Variants in UBE2V1 observed in about 807,000 individuals in gnomAD.
The protein encoded by UBE2V1 is ubiquitin-conjugating enzyme E2 variant 1.
UBE2V1 carries 15 observed loss-of-function variants against 19.6 expected under a neutral mutation model. The ratio of observed to expected loss-of-function variants is 0.77; its 90% CI spans 0.51 to 1.18. UBE2V1 has a LOEUF of 1.18. Ranked by LOEUF, UBE2V1 falls within the 50% of genes most tolerant of loss-of-function variation. The probability of loss-of-function intolerance (pLI) is 0.00; values close to 1 mark genes in which losing one functional copy is unlikely to be tolerated. For missense variants in UBE2V1, 125 were observed against 184.8 expected, an observed-to-expected ratio of 0.68 and a Z score of 1.88; for synonymous variants, 60 against 60.7, an observed-to-expected ratio of 0.99 and a Z score of 0.05.
At chr20:50,084,285 A>G in intron 2 of UBE2V1, 31 bp from the exon 3 acceptor site, 2 of 1,609,944 alleles carry the variant, frequency 1.2e-6, no homozygotes, top group Non-Finnish European at 1.7e-6. Flanking sequence ...GATGTCACGC[A>G]ATTACAAACA....
At chr20:50,112,800 A>G (rs939068421) in intron 1 of UBE2V1, among the ~76,000 whole-genome samples, 4 of 152,128 alleles carry the variant, frequency 2.6e-5, no homozygotes, top group African/African-American at 9.6e-5. Flanking sequence ...CGGTATCCTC[A>G]GGAGTGCCTC....
chr20:50,099,902 G>A (rs1460147018), intron 1 of UBE2V1, among the ~76,000 whole-genome samples: 2 of 152,178 alleles, frequency 1.3e-5, no homozygotes, highest in African/African-American at 4.8e-5. Flanking sequence ...TTCGAGATCA[G>A]CCTGGGCAAC....
chr20:50,089,887 T>C (rs1294253441), intron 2 of UBE2V1, among the ~76,000 whole-genome samples: 1 of 152,082 alleles, frequency 6.6e-6, no homozygotes, highest in Non-Finnish European at 1.5e-5. Context: ...TTGCTTGCTG[T>C]TCCTTTAGGT....
chr20:50,093,525 A>G (rs550407771), intron 2 of UBE2V1, among the ~76,000 whole-genome samples: 5 of 152,246 alleles, frequency 3.3e-5, no homozygotes, highest in Non-Finnish European at 5.9e-5. Flanking sequence ...TGAAAAGACA[A>G]TAACAAGTGT....
chr20:50,112,269 G>C (rs986606446), intron 1 of UBE2V1, among the ~76,000 whole-genome samples: 4 of 152,120 alleles, frequency 2.6e-5, no homozygotes, highest in African/African-American at 9.7e-5. Context: ...GACATCCTCG[G>C]GGCTCCCAAT....
In UBE2V1 at chr20:50,082,748, C is replaced by G. The variant is rs1183602229; in HGVS notation, c.*20G>C. 6.2e-7 allele frequency: 1 copy of G among 1,606,054 alleles called. No homozygotes were observed. ...ATCGAATTGGGGGGAAGGGGAAGGG[C>G]CTGTGGTTTTTCTTTTTGATTAATT... On this transcript the variant is annotated 3_prime_UTR_variant, in exon 4 of 4. Coordinates refer to ENST00000371674, the MANE Select transcript of UBE2V1 (RefSeq NM_001032288.3).
At position 50,081,840 on chromosome 20, in the gene UBE2V1, TA is replaced by T. The variant is rs1455480410; in HGVS notation, c.*927del. The T allele has an allele frequency of 3.8e-6, 1 of 265,950 alleles. No homozygotes were observed. The allele number at this position is 265,950 out of a possible 1,614,324, so 16.5% of individuals were successfully genotyped here. ...CTTTTCACCTTATCAAAACCTGAGC[TA>T]AAAACAATGCATCAGCTGATGACAG... On this transcript the variant is annotated 3_prime_UTR_variant, in exon 4 of 4. Transcript: ENST00000371674.
At chr20:50,090,952 A>G (rs902428371) in intron 2 of UBE2V1, among the ~76,000 whole-genome samples, 1 of 152,174 alleles carries the variant, frequency 6.6e-6, no homozygotes, top group African/African-American at 2.4e-5. Context: ...TAAAGCTGGG[A>G]AAAAAATTAG....
chr20:50,109,582 C>G (rs181872292), intron 1 of UBE2V1, among the ~76,000 whole-genome samples: 3 of 152,106 alleles, frequency 2.0e-5, no homozygotes, highest in Non-Finnish European at 4.4e-5. Flanking sequence ...AACCCTGTCT[C>G]TACTAAAAAT....
At chr20:50,105,398 T>C (rs1159101796) in intron 1 of UBE2V1, among the ~76,000 whole-genome samples, 1 of 152,118 alleles carries the variant, frequency 6.6e-6, no homozygotes, top group Admixed American at 6.5e-5. Context: ...CTAAATAGAG[T>C]TTAAATTCAA....
chr20:50,115,576 C>T, upstream of UBE2V1: 1 of 1,542,150 alleles, frequency 6.5e-7, no homozygotes, highest in Non-Finnish European at 8.8e-7. Context: ...CTCCTGGCAT[C>T]AGTTTCCCCT....
intron 1 of UBE2V1, among the ~76,000 whole-genome samples, chr20:50,110,624 G>A (rs1183297774): frequency 1.3e-5 from 2 of 152,198 alleles, no homozygotes; most frequent in Non-Finnish European, 2.9e-5. Flanking sequence ...ACTGCCTAGG[G>A]ACGAAGGTCA....
chr20:50,101,572 A>AAAC, intron 1 of UBE2V1, among the ~76,000 whole-genome samples: 1 of 35,724 alleles, frequency 2.8e-5, no homozygotes, highest in Non-Finnish European at 5.0e-5. Context: ...ATTTATAAGC[A>AAAC]AAAAAAAAAA....
intron 2 of UBE2V1, chr20:50,096,217 C>T (rs2079612119): frequency 5.5e-6 from 1 of 182,008 alleles, no homozygotes; most frequent in Non-Finnish European, 1.1e-5. Context: ...GACAGGCTTG[C>T]CAGGGACCTT....
intron 2 of UBE2V1, chr20:50,096,354 C>A: frequency 5.1e-6 from 2 of 389,934 alleles, no homozygotes; most frequent in Non-Finnish European, 9.1e-6. Context: ...CTGGCTATAC[C>A]TAGGGCCTAG....
rs1213758049 is a variant in UBE2V1, at chr20:50,112,146, C to T, written c.22+961G>A. On this transcript the variant is annotated intron_variant, in intron 1 of 3. Transcript: ENST00000371674. ...ACACTTCTAGGATATGCTTCCCTCA[C>T]TCAATTCAAAAAGAGGAGACTTTTC... 2.8e-4 allele frequency among the ~76,000 whole-genome samples: 42 copies of T among 150,860 alleles called. 4 individuals are homozygous for T. Among genetic ancestry groups the T allele is most frequent in the Admixed American group, 2.8e-3 (42 of 15,236 alleles).
intron 1 of UBE2V1, among the ~76,000 whole-genome samples, chr20:50,106,885 AAAC>A (rs2080419767): frequency 6.6e-6 from 1 of 150,712 alleles, no homozygotes; most frequent in African/African-American, 2.5e-5. Flanking sequence ...AAAAAAAAAA[AAAC>A]AAAAAAAAGG....
intron 2 of UBE2V1, among the ~76,000 whole-genome samples, chr20:50,085,109 C>T (rs1445744619): frequency 1.3e-5 from 2 of 151,864 alleles, no homozygotes; most frequent in Non-Finnish European, 2.9e-5. Context: ...AGGCTGGTCT[C>T]GAACTCCTGA....
At chr20:50,101,893 T>C (rs568132053) in intron 1 of UBE2V1, among the ~76,000 whole-genome samples, 1 of 152,180 alleles carries the variant, frequency 6.6e-6, no homozygotes, top group Non-Finnish European at 1.5e-5. Flanking sequence ...CAGAGGACAC[T>C]GTTACTTAGC....
Sources: allele counts gnomAD v4.1 joint callset (sites outside exome capture counted in the v4.1 genomes callset), GRCh38; gene constraint gnomAD v4.1.1; transcripts MANE v1.5; gene names NCBI Gene and HGNC (gene_info 2026-07-23, HGNC 2026-07-21).